The following UGGT1 variants were observed in gnomAD, a reference collection of about 807,000 sequenced individuals.
UGGT1 encodes the protein UDP-glucose glycoprotein glucosyltransferase 1.
Under a neutral mutation model 203.9 loss-of-function variants are expected in UGGT1, and 107 were observed. That is an observed-to-expected ratio of 0.52 (90% CI 0.45 to 0.62). The LOEUF (loss-of-function observed/expected upper bound fraction) is 0.62, where lower values mean the gene tolerates loss of function less well. Ranked by LOEUF, UGGT1 falls within the 20% of genes least tolerant of loss-of-function variation. The pLI is 0.00. For synonymous variants in UGGT1, 628 were observed against 653.5 expected (o/e 0.96, Z 0.59); for missense variants, 1,673 against 1,867.2 (o/e 0.90, Z 1.92).
intron 5 of UGGT1, among the ~76,000 whole-genome samples, chr2:128,110,401 T>C (rs1346661470): frequency 6.6e-6 from 1 of 151,884 alleles, no homozygotes; most frequent in Non-Finnish European, 1.5e-5. Context: ...TTAGTGAGAT[T>C]GGCTCCCCAG....
At chr2:128,102,549 A>T (rs1573495296) in intron 2 of UGGT1, among the ~76,000 whole-genome samples, 1 of 152,192 alleles carries the variant, frequency 6.6e-6, no homozygotes, top group East Asian at 1.9e-4. Flanking sequence ...TTCTTTAATA[A>T]TATCTTGTAT....
intron 2 of UGGT1, among the ~76,000 whole-genome samples, chr2:128,103,398 T>C (rs1354445902): frequency 6.6e-6 from 1 of 152,220 alleles, no homozygotes; most frequent in Admixed American, 6.5e-5. Flanking sequence ...AGTGCTAATT[T>C]TAAACTAAGT....
intron 22 of UGGT1, among the ~76,000 whole-genome samples, chr2:128,158,607 C>G (rs1418045223): frequency 1.3e-5 from 2 of 152,144 alleles, no homozygotes; most frequent in Admixed American, 6.6e-5. Flanking sequence ...TTTGTTTAAG[C>G]TATTTGAAGG....
rs1184207279 is a variant in UGGT1 at position 128,108,519 on chromosome 2, AT to A, written c.408+453del. Among the ~76,000 whole-genome samples the A allele has an allele frequency of 3.3e-5, 5 of 152,336 alleles. No homozygotes were observed. The East Asian group carries it at 9.6e-4, about 29-fold the overall frequency. On this transcript the variant is annotated intron_variant, in intron 4 of 40. Coordinates refer to ENST00000259253, the MANE Select transcript of UGGT1 (RefSeq NM_020120.4). ...ATAAATTATGGAAATTTCTATTGTA[AT>A]TGAAAAGAAAAAGAGGGACAGAGGA...
rs779278346 is a variant in UGGT1, at chr2:128,164,717, C to A, written c.2826-13C>A. The A allele has an allele frequency of 1.2e-6, 2 of 1,611,500 alleles. No individual in the cohort carries two copies. Among genetic ancestry groups the A allele is most frequent in the South Asian group, 2.2e-5 (2 of 91,008 alleles). ...TAAAAAGATGTTAAGATTTCTCTAA[C>A]CCCTTCTTTCAGGGCAAGCGACTTG... On this transcript the variant is annotated splice_polypyrimidine_tract_variant and intron_variant, in intron 25 of 40. Coordinates refer to ENST00000259253, the MANE Select transcript of UGGT1 (RefSeq NM_020120.4).
chr2:128,174,011 A>G, intron 30 of UGGT1, 72 bp downstream of exon 30: 1 of 1,536,478 alleles, frequency 6.5e-7, no homozygotes, highest in Non-Finnish European at 8.9e-7. Flanking sequence ...ATGATGGAGC[A>G]ATTAGCATTC....
At position 128,103,943 on chromosome 2, in the gene UGGT1, C is replaced by T; in HGVS notation, c.206C>T (p.Ala69Val). ...ATCTTTTCTCCCAGTGAGTTTTTAG[C>T]AGAAGACAGTCAAGAGAAATTTTGG... ...PLLLEASEFL[A>V]EDSQEKFWNF... The change falls in exon 3 of 41, where the codon GCA (alanine) becomes GTA (valine). Residue 69 changes from alanine to valine, a missense_variant. Coordinates refer to ENST00000259253, the MANE Select transcript of UGGT1 (RefSeq NM_020120.4). 1 of 1,589,438 alleles carries T rather than the reference C, an allele frequency of 6.3e-7. No homozygotes were observed. Among genetic ancestry groups the T allele is most frequent in the Non-Finnish European group, 8.5e-7 (1 of 1,172,728 alleles).
chr2:128,110,995 T>C (rs957487581), intron 5 of UGGT1, among the ~76,000 whole-genome samples: 4 of 152,234 alleles, frequency 2.6e-5, no homozygotes, highest in African/African-American at 9.6e-5. Context: ...CATTAAGATC[T>C]GTTAATATCT....
At chr2:128,100,052 CAG>C (rs1687305417) in intron 2 of UGGT1, among the ~76,000 whole-genome samples, 2 of 106,070 alleles carry the variant, frequency 1.9e-5, no homozygotes, top group Non-Finnish European at 3.5e-5. Context: ...TTTTTTGAGA[CAG>C]AGTTTCATTT....
intron 21 of UGGT1, among the ~76,000 whole-genome samples, chr2:128,156,865 C>T (rs995635481): frequency 5.3e-5 from 8 of 152,090 alleles, no homozygotes; most frequent in Admixed American, 1.3e-4. Flanking sequence ...CCACTGCACC[C>T]GGCCAATGTA....
chr2:128,108,898 G>C (rs1441033204), intron 4 of UGGT1, among the ~76,000 whole-genome samples: 1 of 152,032 alleles, frequency 6.6e-6, no homozygotes, highest in African/African-American at 2.4e-5. Flanking sequence ...ACACAATAAA[G>C]TGATTTTTTT....
rs145454484 is a variant in UGGT1, at chr2:128,170,551, CTG to C, written c.3024+164_3024+165del. Among the ~76,000 whole-genome samples, 19 of 152,318 alleles carry C rather than the reference CTG, an allele frequency of 1.2e-4. No individual in the cohort carries two copies. The East Asian group carries it at 1.5e-3, about 12-fold the overall frequency. ...CAATCTTTACAAAGATTGACAGTGG[CTG>C]TGAAACAGCCTCACAGCCCTAGAAA... On this transcript the variant is annotated intron_variant, in intron 27 of 40. Transcript: ENST00000259253.
chr2:128,172,873 A>T, intron 29 of UGGT1, 111 bp downstream of exon 29: 1 of 1,009,888 alleles, frequency 9.9e-7, no homozygotes. Flanking sequence ...ATATTTTTTT[A>T]AACAACAGCT....
chr2:128,139,996 C>A, intron 16 of UGGT1: 1 of 153,780 alleles, frequency 6.5e-6, no homozygotes, highest in South Asian at 1.9e-4. Context: ...CACTGGTACT[C>A]GCCCTGGCAG....
intron 37 of UGGT1, among the ~76,000 whole-genome samples, chr2:128,183,312 ACT>A (rs775702218): frequency 3.9e-5 from 6 of 152,064 alleles, no homozygotes; most frequent in Admixed American, 2.0e-4. Flanking sequence ...GGACTGTAAC[ACT>A]CTGGGGTTTT....
intron 1 of UGGT1, among the ~76,000 whole-genome samples, chr2:128,094,357 A>G (rs936577568): frequency 1.3e-5 from 2 of 152,304 alleles, no homozygotes; most frequent in Middle Eastern, 3.4e-3. Flanking sequence ...AATAACGATG[A>G]TGTACTATTC....
rs986544258 is a variant in UGGT1 at position 128,195,155 on chromosome 2, T to A, written c.*5413T>A. 6.6e-6 allele frequency: 1 copy of A among 152,288 alleles called. No homozygotes were observed. Among genetic ancestry groups the A allele is most frequent in the Non-Finnish European group, 1.5e-5 (1 of 68,076 alleles). 9.4% of individuals were successfully genotyped at this position (152,288 alleles called of 1,614,324 possible). A position where few individuals can be genotyped will look rare whatever the true frequency, so the allele number is the denominator to read the frequency against. The stretch of plus-strand genomic sequence containing the variant: ...AGGCGGATCACCCGAGGTCAGGAGT[T>A]TGAGGATTTGCAAGCAAAAGGTCCT... On this transcript the variant is annotated 3_prime_UTR_variant, in exon 41 of 41. Transcript: ENST00000259253.
At chr2:128,104,557 G>A (rs1160142290) in intron 3 of UGGT1, among the ~76,000 whole-genome samples, 1 of 152,230 alleles carries the variant, frequency 6.6e-6, no homozygotes, top group African/African-American at 2.4e-5. Context: ...TATATAGGGT[G>A]TAAACATTAA....
At position 128,190,886 on chromosome 2, in the gene UGGT1, C is replaced by G. The variant is rs577683183; in HGVS notation, c.*1144C>G. 1 of 152,306 alleles carries G rather than the reference C, an allele frequency of 6.6e-6. No homozygotes were observed. Among genetic ancestry groups the G allele is most frequent in the Non-Finnish European group, 1.5e-5 (1 of 68,080 alleles). 9.4% of individuals were successfully genotyped at this position (152,306 alleles called of 1,614,324 possible). Reference sequence around the variant, plus strand: ...CTGCAGGTTGCCTTTGGCGCCCACACCAGTTCTGTCTTCATGTCGCTGCAT... The same window carrying G: ...CTGCAGGTTGCCTTTGGCGCCCACAGCAGTTCTGTCTTCATGTCGCTGCAT... On this transcript the variant is annotated 3_prime_UTR_variant, in exon 41 of 41. Transcript: ENST00000259253.
Sources: gnomAD v4.1 joint callset for allele counts (sites outside exome capture counted in the v4.1 genomes callset) on GRCh38, gnomAD v4.1.1 for gene constraint, MANE v1.5 for transcripts, NCBI Gene and HGNC (gene_info 2026-07-23, HGNC 2026-07-21) for gene names.